The following SNTG1 variants were observed in gnomAD, a reference collection of about 807,000 sequenced individuals.
SNTG1 encodes gamma-1-syntrophin.
In SNTG1, 39 loss-of-function variants were observed where a neutral mutation model predicts 74.7. That is an observed-to-expected ratio of 0.52 (90% confidence interval 0.40 to 0.68). The LOEUF is 0.68. Among genes scored for constraint, SNTG1 ranks in the 30% least tolerant of loss-of-function variants. The pLI, the probability that SNTG1 is intolerant of heterozygous loss-of-function variation, is 0.00. For missense variants in SNTG1, 685 were observed against 609.5 expected, an observed-to-expected ratio of 1.12 and a Z score of -1.30; for synonymous variants, 254 against 217.1, an observed-to-expected ratio of 1.17 and a Z score of -1.49.
Position 50,184,687 on chromosome 8 carries a change from A to G in SNTG1, c.-28+12052A>G, listed in dbSNP as rs916195373. 3.3e-5 allele frequency among the ~76,000 whole-genome samples: 5 copies of G among 152,300 alleles called. No individual in the cohort carries two copies. In the East Asian group the frequency reaches 9.7e-4, roughly 29 times the overall value. ...TATCAAACGAGCCAAGGGAAATTTA[A>G]TATGTGTCCCAGTGAGTTTACCCCT... On this transcript the variant is annotated intron_variant, in intron 2 of 18. Coordinates refer to ENST00000642720, the MANE Select transcript of SNTG1 (RefSeq NM_018967.5).
chr8:50,534,857 G>A (rs1029522454), intron 10 of SNTG1, among the ~76,000 whole-genome samples: 1 of 152,152 alleles, frequency 6.6e-6, no homozygotes, highest in African/African-American at 2.4e-5. Flanking sequence ...GATGTTGCAA[G>A]TGGTGTAAGT....
At position 50,640,718 on chromosome 8, in the gene SNTG1, T is replaced by C. The variant is rs117579813; in HGVS notation, c.850-16191T>C. 3.3e-5 allele frequency among the ~76,000 whole-genome samples: 5 copies of C among 152,302 alleles called. No homozygotes were observed. The East Asian group carries it at 9.6e-4, about 29-fold the overall frequency. ...TGTTTCCTGGCCTTTCTGCTCTTGATCTGCTCTTCTTTGATGACCTTAGTC... is the reference window on the plus strand; with the variant it reads ...TGTTTCCTGGCCTTTCTGCTCTTGACCTGCTCTTCTTTGATGACCTTAGTC... On this transcript the variant is annotated intron_variant, in intron 13 of 18. Coordinates refer to ENST00000642720, the MANE Select transcript of SNTG1 (RefSeq NM_018967.5).
chr8:50,670,032 G>A (rs923644660), intron 15 of SNTG1, among the ~76,000 whole-genome samples: 23 of 152,056 alleles, frequency 1.5e-4, no homozygotes, highest in Non-Finnish European at 3.2e-4. Context: ...GGTATTGATG[G>A]GATGTATCTC....
rs2084414153 is a variant in SNTG1 at position 50,209,603 on chromosome 8, C to CT, written c.-28+36968_-28+36969insT. ...GCAGCCTCCGCTGGTGATACCCAGGCAAACAGAGTCTGGAGTGGACCTCCA... is the reference window on the plus strand; with the variant it reads ...GCAGCCTCCGCTGGTGATACCCAGGCTAAACAGAGTCTGGAGTGGACCTCCA... On this transcript the variant is annotated intron_variant, in intron 2 of 18. Coordinates refer to ENST00000642720, the MANE Select transcript of SNTG1 (RefSeq NM_018967.5). Among the ~76,000 whole-genome samples the CT allele has an allele frequency of 2.6e-5, 4 of 152,184 alleles. No homozygotes were observed. The South Asian group carries it at 8.3e-4, about 32-fold the overall frequency.
intron 2 of SNTG1, among the ~76,000 whole-genome samples, chr8:50,349,425 T>C (rs2091579392): frequency 6.6e-6 from 1 of 152,208 alleles, no homozygotes; most frequent in Non-Finnish European, 1.5e-5. Flanking sequence ...AATGTGCAGG[T>C]TTGTTACAGA....
chr8:50,502,833 A>G lies in SNTG1; in HGVS notation c.419A>G (p.Lys140Arg), dbSNP rs1245392538. 1 of 1,613,532 alleles carries G rather than the reference A, an allele frequency of 6.2e-7. No individual in the cohort carries two copies. Among genetic ancestry groups the G allele is most frequent in the South Asian group, 1.1e-5 (1 of 91,022 alleles). Reference sequence around the variant, plus strand: ...GTGACTCTAACAGTGTCATTTTTAAAAAGAGCACCTGCTTTCCTCAAACTC... The same window carrying G: ...GTGACTCTAACAGTGTCATTTTTAAGAAGAGCACCTGCTTTCCTCAAACTC... Reference protein sequence around the residue: ...EEVTLTVSFLKRAPAFLKLPL... With the variant: ...EEVTLTVSFLRRAPAFLKLPL... The change falls in exon 9 of 19, where the codon AAA becomes AGA. Residue 140 changes from lysine to arginine, a missense_variant. Coordinates refer to ENST00000642720, the MANE Select transcript of SNTG1 (RefSeq NM_018967.5).
At chr8:50,540,397 G>A (rs1461416195) in intron 11 of SNTG1, among the ~76,000 whole-genome samples, 2 of 151,904 alleles carry the variant, frequency 1.3e-5, no homozygotes, top group Non-Finnish European at 2.9e-5. Context: ...ATTTGTTGAG[G>A]CTTGATTTTA....
At chr8:50,779,670 CT>C (rs555954902) in intron 18 of SNTG1, among the ~76,000 whole-genome samples, 13,939 of 151,822 alleles carry the variant, frequency 0.092, 1,891 homozygotes, top group African/African-American at 0.3. Context: ...TTGACTTCCT[CT>C]TTTCCTAATC....
intron 1 of SNTG1, among the ~76,000 whole-genome samples, chr8:50,164,741 C>A (rs1290635949): frequency 2.0e-5 from 3 of 152,116 alleles, no homozygotes; most frequent in Non-Finnish European, 4.4e-5. Context: ...TCAAAATATG[C>A]AACTCTTATG....
At chr8:50,651,337 G>A (rs1445911746) in intron 13 of SNTG1, among the ~76,000 whole-genome samples, 1 of 151,278 alleles carries the variant, frequency 6.6e-6, no homozygotes, top group Non-Finnish European at 1.5e-5. Context: ...CAGATGTTGA[G>A]ACTTAAAAAA....
intron 2 of SNTG1, among the ~76,000 whole-genome samples, chr8:50,347,321 A>C (rs553133172): frequency 6.6e-6 from 1 of 152,208 alleles, no homozygotes; most frequent in African/African-American, 2.4e-5. Context: ...GTAGCAGCAC[A>C]TTTGTTTGTA....
At chr8:50,742,794 G>A (rs148637039) in intron 17 of SNTG1, among the ~76,000 whole-genome samples, 3,803 of 151,830 alleles carry the variant, frequency 0.025, 64 homozygotes, top group Middle Eastern at 0.041. Context: ...TAGCCTGATT[G>A]TCTCAACAAG....
At chr8:50,571,289 G>A (rs993991509) in intron 12 of SNTG1, among the ~76,000 whole-genome samples, 26 of 152,156 alleles carry the variant, frequency 1.7e-4, no homozygotes, top group African/African-American at 6.0e-4. Context: ...CAAAGAGACC[G>A]AAGCTAACTC....
chr8:50,186,410 A>T (rs144784279), intron 2 of SNTG1, among the ~76,000 whole-genome samples: 2 of 152,030 alleles, frequency 1.3e-5, no homozygotes, highest in East Asian at 3.9e-4. Flanking sequence ...TTATTCTAGA[A>T]ATCACCTTAA....
chr8:50,788,649 G>C (rs901315903), intron 18 of SNTG1, among the ~76,000 whole-genome samples: 1 of 151,952 alleles, frequency 6.6e-6, no homozygotes, highest in Non-Finnish European at 1.5e-5. Flanking sequence ...GAATGAGGAA[G>C]ATAAATTCCA....
intron 2 of SNTG1, among the ~76,000 whole-genome samples, chr8:50,217,012 T>C (rs2084821094): frequency 6.6e-6 from 1 of 151,254 alleles, no homozygotes; most frequent in Non-Finnish European, 1.5e-5. Flanking sequence ...TTATAAAATA[T>C]ATATATATTT....
intron 18 of SNTG1, among the ~76,000 whole-genome samples, chr8:50,765,942 C>G (rs2095612463): frequency 6.6e-6 from 1 of 151,908 alleles, no homozygotes; most frequent in South Asian, 2.1e-4. Flanking sequence ...GTAAACAATA[C>G]TGAGGAATTT....
At chr8:50,166,857 G>C (rs529901745) in intron 1 of SNTG1, among the ~76,000 whole-genome samples, 3 of 151,466 alleles carry the variant, frequency 2.0e-5, no homozygotes, top group Non-Finnish European at 4.4e-5. Context: ...CAATAGCAGC[G>C]ACTTGGAACC....
intron 1 of SNTG1, among the ~76,000 whole-genome samples, chr8:50,158,632 T>C (rs1018473511): frequency 3.3e-5 from 5 of 152,220 alleles, no homozygotes; most frequent in African/African-American, 1.2e-4. Context: ...CGTTGATTTA[T>C]GTAGCTGGAG....
Sources: allele counts gnomAD v4.1 joint callset (sites outside exome capture counted in the v4.1 genomes callset), GRCh38; gene constraint gnomAD v4.1.1; transcripts MANE v1.5; gene names NCBI Gene and HGNC (gene_info 2026-07-23, HGNC 2026-07-21).